BNC2: variants seen among roughly 807,000 people sequenced by gnomAD.
BNC2 encodes basonuclin zinc finger protein 2, also known as zinc finger protein basonuclin-2.
BNC2 carries 20 observed loss-of-function variants against 76.3 expected under a neutral mutation model. That is an observed-to-expected ratio of 0.26 (90% CI 0.18 to 0.38). The LOEUF is 0.38. Among genes scored for constraint, BNC2 ranks in the 10% least tolerant of loss-of-function variants. The pLI, the probability that BNC2 is intolerant of heterozygous loss-of-function variation, is 1.00. For synonymous variants in BNC2, 582 were observed against 514.8 expected (o/e 1.13, Z -1.77); for missense variants, 1,382 against 1,399.8 (o/e 0.99, Z 0.20).
chr9:16,844,683 G>GAGA (rs1281624507), intron 1 of BNC2, among the ~76,000 whole-genome samples: 1 of 151,944 alleles, frequency 6.6e-6, no homozygotes, highest in African/African-American at 2.4e-5. Context: ...ATTTTTAGTA[G>GAGA]AGACGGGTTT....
chr9:16,504,299 G>GTAT (rs1411381016), intron 5 of BNC2, among the ~76,000 whole-genome samples: 1 of 118,128 alleles, frequency 8.5e-6, no homozygotes, highest in Non-Finnish European at 1.6e-5. Flanking sequence ...ATGAATACAT[G>GTAT]TATTAATACA....
intron 3 of BNC2, among the ~76,000 whole-genome samples, chr9:16,697,184 C>T (rs1310102024): frequency 6.6e-6 from 1 of 150,882 alleles, no homozygotes; most frequent in African/African-American, 2.4e-5. Context: ...TATGGTGAAA[C>T]CCTGTCTCTA....
chr9:16,845,670 G>A (rs149025144), intron 1 of BNC2, among the ~76,000 whole-genome samples: 7,391 of 151,720 alleles, frequency 0.049, 351 homozygotes, highest in East Asian at 0.17. Context: ...GCAGTGAGCC[G>A]AGATCGCACC....
At chr9:16,783,262 A>C (rs1826201665) in intron 1 of BNC2, among the ~76,000 whole-genome samples, 2 of 152,334 alleles carry the variant, frequency 1.3e-5, no homozygotes, top group Non-Finnish European at 2.9e-5. Context: ...TGAAAAAGTA[A>C]ATAAAACATT....
At chr9:16,780,239 A>AAAAAAAAAAAAAAC in intron 1 of BNC2, among the ~76,000 whole-genome samples, 1 of 105,264 alleles carries the variant, frequency 9.5e-6, no homozygotes, top group East Asian at 3.2e-4. Context: ...TCGTTTCAAA[A>AAAAAAAAAAAAAAC]AAAAAAAAAA....
chr9:16,743,554 C>T (rs1376803288), intron 1 of BNC2, among the ~76,000 whole-genome samples: 2 of 152,144 alleles, frequency 1.3e-5, no homozygotes, highest in Non-Finnish European at 2.9e-5. Flanking sequence ...ACATTAATAC[C>T]GGAGAGCAAG....
intron 1 of BNC2, among the ~76,000 whole-genome samples, chr9:16,842,582 G>A (rs762440185): frequency 2.6e-5 from 4 of 152,098 alleles, no homozygotes; most frequent in African/African-American, 4.8e-5. Context: ...AGCCTTGTGA[G>A]TATACTAAAA....
At chr9:16,507,913 T>C (rs552373603) in intron 5 of BNC2, among the ~76,000 whole-genome samples, 2 of 152,334 alleles carry the variant, frequency 1.3e-5, no homozygotes, top group South Asian at 2.1e-4. Flanking sequence ...TAGAGTTAAA[T>C]GGAACAGTAC....
intron 3 of BNC2, among the ~76,000 whole-genome samples, chr9:16,664,735 A>C (rs942226384): frequency 2.6e-5 from 4 of 152,030 alleles, no homozygotes; most frequent in Non-Finnish European, 5.9e-5. Context: ...AAAACAAAAA[A>C]AAACAGGGGA....
intron 3 of BNC2, among the ~76,000 whole-genome samples, chr9:16,608,499 A>G (rs1235166532): frequency 6.6e-6 from 1 of 152,156 alleles, no homozygotes; most frequent in Non-Finnish European, 1.5e-5. Context: ...TTTAAAAATA[A>G]TCAATTTTTT....
At chr9:16,600,241 A>C (rs1820209507) in intron 3 of BNC2, among the ~76,000 whole-genome samples, 1 of 152,218 alleles carries the variant, frequency 6.6e-6, no homozygotes, top group South Asian at 2.1e-4. Context: ...TAAATAGATA[A>C]GGAAAGCACA....
At chr9:16,624,009 A>T (rs1820929552) in intron 3 of BNC2, among the ~76,000 whole-genome samples, 1 of 152,230 alleles carries the variant, frequency 6.6e-6, no homozygotes, top group Non-Finnish European at 1.5e-5. Flanking sequence ...TAGCCTAGTC[A>T]AGAATTTCTT....
At chr9:16,767,032 T>C (rs868470816) in intron 1 of BNC2, among the ~76,000 whole-genome samples, 9 of 152,368 alleles carry the variant, frequency 5.9e-5, no homozygotes, top group Middle Eastern at 3.4e-3. Context: ...TGCCAATCAC[T>C]ATCTGGCTAC....
intron 3 of BNC2, among the ~76,000 whole-genome samples, chr9:16,650,555 TTA>T (rs1014850450): frequency 4.6e-5 from 7 of 152,082 alleles, no homozygotes; most frequent in African/African-American, 1.5e-4. Flanking sequence ...AAATTTTTTT[TTA>T]TTTTTTTTAC....
intron 5 of BNC2, 39 bp from the exon 6 acceptor site, chr9:16,437,563 A>C: frequency 6.2e-7 from 1 of 1,600,874 alleles, no homozygotes; most frequent in African/African-American, 1.3e-5. Context: ...GACAAACACA[A>C]AAACTTATTG....
chr9:16,682,431 G>A (rs1294661567), intron 3 of BNC2, among the ~76,000 whole-genome samples: 1 of 151,876 alleles, frequency 6.6e-6, no homozygotes, highest in Admixed American at 6.6e-5. Flanking sequence ...AGTGAATGCT[G>A]CAGGTTGTTT....
chr9:16,852,326 A>C (rs1208840068), intron 1 of BNC2, among the ~76,000 whole-genome samples: 1 of 152,204 alleles, frequency 6.6e-6, no homozygotes, highest in East Asian at 1.9e-4. Flanking sequence ...TGAAGTGTTT[A>C]CATCTATCCT....
chr9:16,833,052 T>A (rs976421243), intron 1 of BNC2, among the ~76,000 whole-genome samples: 3 of 144,766 alleles, frequency 2.1e-5, no homozygotes, highest in Non-Finnish European at 4.5e-5. Context: ...AGTCCAGGAA[T>A]CAGTCTTACA....
chr9:16,640,179 C>G (rs944540141), intron 3 of BNC2, among the ~76,000 whole-genome samples: 2 of 151,358 alleles, frequency 1.3e-5, no homozygotes, highest in Non-Finnish European at 2.9e-5. Flanking sequence ...GAAAATTAAG[C>G]AAAAGAAGAA....
Sources: gnomAD v4.1 joint callset for allele counts (sites outside exome capture counted in the v4.1 genomes callset) on GRCh38, gnomAD v4.1.1 for gene constraint, MANE v1.5 for transcripts, NCBI Gene and HGNC (gene_info 2026-07-23, HGNC 2026-07-21) for gene names.